Variants in HYDIN observed in about 807,000 individuals in gnomAD.
HYDIN encodes HYDIN axonemal central pair apparatus protein.
HYDIN carries 132 observed loss-of-function variants against 403.9 expected under a neutral mutation model. That is an observed-to-expected ratio of 0.33 (90% CI 0.28 to 0.38). The LOEUF is 0.38. Ranked by LOEUF, HYDIN falls within the 10% of genes least tolerant of loss-of-function variation. HYDIN has a pLI of 1.00. For missense variants in HYDIN, 2,827 were observed against 5,009.5 expected (o/e 0.56, Z 13.15); for synonymous variants, 1,202 against 1,891.7 (o/e 0.64, Z 9.46).
intron 36 of HYDIN, among the ~76,000 whole-genome samples, 164 bp downstream of exon 36, chr16:70,970,356 T>G (rs2143980687): frequency 8.3e-6 from 1 of 121,114 alleles, no homozygotes; most frequent in Admixed American, 9.3e-5. Flanking sequence ...TGAACATGCA[T>G]TAGCTTTTCA....
chr16:71,027,151 A>C lies in HYDIN; in HGVS notation c.3042+451T>G, dbSNP rs1326821790. ...GCTCTTTTATTAATGCATAAAAAGA[A>C]GATGTTTTGAAATGTGAGTTGCAGT... On this transcript the variant is annotated intron_variant, in intron 20 of 85. Coordinates refer to ENST00000393567, the MANE Select transcript of HYDIN (RefSeq NM_001270974.2). 16 of 1,041,622 alleles carry C rather than the reference A, an allele frequency of 1.5e-5. No homozygotes were observed. The South Asian group carries it at 5.3e-4, about 35-fold the overall frequency. 64.5% of individuals were successfully genotyped at this position (1,041,622 alleles called of 1,614,324 possible).
chr16:71,161,259 G>A (rs1316798710), intron 6 of HYDIN, among the ~76,000 whole-genome samples: 1 of 151,850 alleles, frequency 6.6e-6, no homozygotes, highest in Non-Finnish European at 1.5e-5. Context: ...CTAATGCCGC[G>A]GCTGATCTGA....
intron 3 of HYDIN, among the ~76,000 whole-genome samples, chr16:71,184,552 T>C (rs184403314): frequency 2.5e-4 from 38 of 152,262 alleles, no homozygotes; most frequent in Middle Eastern, 3.4e-3. Context: ...ACTAAGACAA[T>C]AACTTAATTG....
intron 5 of HYDIN, among the ~76,000 whole-genome samples, chr16:71,174,221 A>G (rs543063584): frequency 1.6e-4 from 24 of 152,358 alleles, no homozygotes; most frequent in African/African-American, 5.8e-4. Flanking sequence ...TGGTATTATT[A>G]TAACGGAATT....
rs28522850 is a variant in HYDIN at position 71,031,830 on chromosome 16, G to C, written c.2617C>G (p.Leu873Val). ...TDVQLALTAN[L>V]NDTLTFKDCV... is the part of the protein sequence containing the mutation. Reference sequence around the variant, plus strand: ...TCCTTGAATGTCAGTGTGTCATTCAGGTTGGCGGTCAGTGCCAGTTGAACA... The same window carrying C: ...TCCTTGAATGTCAGTGTGTCATTCACGTTGGCGGTCAGTGCCAGTTGAACA... Residue 873 changes from leucine to valine, a missense_variant, in exon 19 of 86, where the codon CTG (leucine) becomes GTG (valine). Transcript: ENST00000393567. 2 of 1,205,508 alleles carry C rather than the reference G, an allele frequency of 1.7e-6. No individual in the cohort carries two copies. The highest frequency in any genetic ancestry group is 2.3e-5 in the East Asian group (1 of 42,992). The allele number at this position is 1,205,508 out of a possible 1,614,324, so 74.7% of individuals were successfully genotyped here. A position where few individuals can be genotyped will look rare whatever the true frequency, so the allele number is the denominator to read the frequency against.
At chr16:70,997,575 G>A (rs1055780068) in intron 23 of HYDIN, among the ~76,000 whole-genome samples, 2 of 152,014 alleles carry the variant, frequency 1.3e-5, no homozygotes, top group African/African-American at 2.4e-5. Context: ...GCAGTGAGCC[G>A]TTAACATCTA....
intron 16 of HYDIN, among the ~76,000 whole-genome samples, chr16:71,063,352 CTT>C (rs1487078981): frequency 1.3e-5 from 2 of 152,230 alleles, no homozygotes; most frequent in Non-Finnish European, 2.9e-5. Flanking sequence ...GGACTGATCT[CTT>C]TACCTAGGTT....
At chr16:71,191,573 T>C (rs2087439017) in intron 1 of HYDIN, among the ~76,000 whole-genome samples, 2 of 152,210 alleles carry the variant, frequency 1.3e-5, no homozygotes, top group South Asian at 4.1e-4. Context: ...CTGTTAGGAC[T>C]GCCAGAGAAA....
intron 44 of HYDIN, among the ~76,000 whole-genome samples, chr16:70,937,084 A>G (rs1245181504): frequency 2.0e-5 from 3 of 152,136 alleles, no homozygotes; most frequent in Non-Finnish European, 4.4e-5. Context: ...TCTGGTTGCC[A>G]TGGCTCTCTG....
intron 39 of HYDIN, among the ~76,000 whole-genome samples, chr16:70,956,477 G>T (rs988641957): frequency 4.6e-5 from 7 of 152,218 alleles, no homozygotes; most frequent in East Asian, 1.9e-4. Flanking sequence ...GGGTAAAAGA[G>T]ACTTTGCAGA....
At chr16:70,834,825 T>A (rs1284489229) in intron 78 of HYDIN, among the ~76,000 whole-genome samples, 1 of 150,434 alleles carries the variant, frequency 6.6e-6, no homozygotes, top group Non-Finnish European at 1.5e-5. Flanking sequence ...TCCAGCCTGG[T>A]CGACAGAGTG....
Position 70,941,780 on chromosome 16 carries a change from C to T in HYDIN, c.6709G>A (p.Asp2237Asn), listed in dbSNP as rs773816441. The change falls in exon 43 of 86, where the codon GAC (aspartate) becomes AAC (asparagine). Residue 2237 changes from aspartate (D) to asparagine (N), a missense_variant. Physicochemically the swap from Asp to Asn is conservative, Grantham distance 23. Transcript: ENST00000393567. The stretch of plus-strand genomic sequence containing the variant: ...GCAGCATTCTGAGCAAAGAGAGTGT[C>T]GAGGCCATCAAACACCACTCCTCGG... ...CYRGVVFDGL[D>N]TLFAQNAAAA... is the part of the protein sequence containing the mutation. 9 of 1,566,644 alleles carry T rather than the reference C, an allele frequency of 5.7e-6. No homozygotes were observed. The highest frequency in any genetic ancestry group is 1.4e-5 in the African/African-American group (1 of 72,494).
chr16:70,847,097 G>C (rs368493962), intron 75 of HYDIN, among the ~76,000 whole-genome samples: 2 of 150,914 alleles, frequency 1.3e-5, no homozygotes, highest in East Asian at 3.9e-4. Context: ...GACGTTAGCT[G>C]GTGATTTTGC....
chr16:70,922,914 T>C (rs1309878001), intron 45 of HYDIN, among the ~76,000 whole-genome samples: 1 of 149,648 alleles, frequency 6.7e-6, no homozygotes. Context: ...ACTACAGGCA[T>C]GTGCCACCAT....
intron 19 of HYDIN, among the ~76,000 whole-genome samples, 165 bp from the exon 20 acceptor site, chr16:71,028,040 GAACT>G (rs2080774799): frequency 7.0e-6 from 1 of 143,182 alleles, no homozygotes; most frequent in African/African-American, 2.5e-5. Context: ...ATGCCACTAG[GAACT>G]AACACAGCGT....
intron 20 of HYDIN, 29 bp downstream of exon 20, chr16:71,027,573 A>T: frequency 6.2e-7 from 1 of 1,614,010 alleles, no homozygotes; most frequent in South Asian, 1.1e-5. Context: ...AGGAAAAAAC[A>T]ATAGCTTCCA....
intron 22 of HYDIN, among the ~76,000 whole-genome samples, chr16:71,018,895 A>T (rs977718088): frequency 1.4e-5 from 2 of 145,274 alleles, no homozygotes; most frequent in Non-Finnish European, 3.0e-5. Context: ...AGAAATTTTT[A>T]AAAGGGTTTT....
chr16:70,944,084 T>G, intron 41 of HYDIN, 135 bp from the exon 42 acceptor site: 1 of 661,136 alleles, frequency 1.5e-6, no homozygotes, highest in Non-Finnish European at 2.6e-6. Context: ...AACTGCATTA[T>G]AAAATGGAAG....
intron 23 of HYDIN, among the ~76,000 whole-genome samples, chr16:70,998,262 A>G (rs1430887547): frequency 6.6e-6 from 1 of 151,940 alleles, no homozygotes; most frequent in African/African-American, 2.4e-5. Flanking sequence ...TTTCAAGTAT[A>G]TGGAAAGAAA....
Sources: allele counts gnomAD v4.1 joint callset (sites outside exome capture counted in the v4.1 genomes callset), GRCh38; gene constraint gnomAD v4.1.1; transcripts MANE v1.5; gene names NCBI Gene and HGNC (gene_info 2026-07-23, HGNC 2026-07-21).